EPSTI1: variants seen among roughly 807,000 people sequenced by gnomAD.
EPSTI1 encodes the protein epithelial-stromal interaction protein 1.
A neutral mutation model predicts 49.9 loss-of-function variants in EPSTI1; 66 were observed. The observed-to-expected ratio is 1.32, with a 90% CI of 1.08 to 1.62. The LOEUF (loss-of-function observed/expected upper bound fraction) is 1.62, where lower values mean the gene tolerates loss of function less well. Among genes scored for constraint, EPSTI1 ranks in the 40% most tolerant of loss-of-function variants. EPSTI1 has a pLI of 0.00. For missense variants in EPSTI1, 394 were observed against 365.5 expected, an observed-to-expected ratio of 1.08 and a Z score of -0.64; for synonymous variants, 137 against 130.7, an observed-to-expected ratio of 1.05 and a Z score of -0.33.
chr13:42,906,942 T>C (rs2037515897), intron 8 of EPSTI1, among the ~76,000 whole-genome samples: 1 of 152,238 alleles, frequency 6.6e-6, no homozygotes, highest in African/African-American at 2.4e-5. Context: ...TCAGGGCACT[T>C]AGTGTGTCCA....
chr13:42,981,815 A>G (rs2039992038), intron 1 of EPSTI1, among the ~76,000 whole-genome samples: 1 of 152,236 alleles, frequency 6.6e-6, no homozygotes, highest in Non-Finnish European at 1.5e-5. Context: ...AGAGTACATC[A>G]CATATAATAA....
chr13:42,920,906 T>C (rs1444726042), intron 7 of EPSTI1, among the ~76,000 whole-genome samples: 1 of 152,160 alleles, frequency 6.6e-6, no homozygotes, highest in Non-Finnish European at 1.5e-5. Context: ...GAGACATTTT[T>C]TTAAATCTCC....
At chr13:42,942,501 CATTT>C (rs1304743179) in intron 6 of EPSTI1, among the ~76,000 whole-genome samples, 1 of 151,906 alleles carries the variant, frequency 6.6e-6, no homozygotes, top group Non-Finnish European at 1.5e-5. Context: ...ATAATAAGCA[CATTT>C]ATTTTTCTAT....
chr13:42,986,744 CAAAAAAAAAAA>C (rs71099813), intron 1 of EPSTI1, among the ~76,000 whole-genome samples: 2 of 80,814 alleles, frequency 2.5e-5, no homozygotes, highest in Non-Finnish European at 4.2e-5. Context: ...GATTCCATCT[CAAAAAAAAAAA>C]AAAAAAAAAA....
rs548350563 is a variant in EPSTI1, at chr13:42,954,646, T to C, written c.490-625A>G. Among the ~76,000 whole-genome samples, 14 of 152,340 alleles carry C rather than the reference T, an allele frequency of 9.2e-5. No individual in the cohort carries two copies. The South Asian group carries it at 2.5e-3, about 27-fold the overall frequency. On this transcript the variant is annotated intron_variant, in intron 5 of 10. Transcript: ENST00000313624. ...TTTGATATTACTGTCACCATGGCTC[T>C]GGCATATTTTAATCCAATTTAAATA...
At chr13:42,953,267 A>T (rs1281242720) in intron 6 of EPSTI1, among the ~76,000 whole-genome samples, 2 of 140,760 alleles carry the variant, frequency 1.4e-5, no homozygotes, top group East Asian at 4.2e-4. Context: ...AAAAAAAAAA[A>T]CACTGACATT....
chr13:42,953,591 T>A (rs1180080970), intron 6 of EPSTI1, among the ~76,000 whole-genome samples: 1 of 152,242 alleles, frequency 6.6e-6, no homozygotes, highest in East Asian at 1.9e-4. Flanking sequence ...ATCAGATAAA[T>A]CCCTGGTCAG....
chr13:42,934,733 T>C (rs1201173682), intron 6 of EPSTI1: 2 of 179,676 alleles, frequency 1.1e-5, no homozygotes, highest in South Asian at 1.4e-4. Flanking sequence ...GGTACAGAGG[T>C]GACTGGGCCC....
At chr13:42,910,382 C>T (rs1235068522) in intron 8 of EPSTI1, among the ~76,000 whole-genome samples, 1 of 151,424 alleles carries the variant, frequency 6.6e-6, no homozygotes, top group Non-Finnish European at 1.5e-5. Context: ...ATGCCTCAGC[C>T]TCCCGAGTAA....
chr13:42,890,817 T>C (rs7996716), intron 10 of EPSTI1, among the ~76,000 whole-genome samples: 61,713 of 151,898 alleles, frequency 0.41, 12,814 homozygotes, highest in East Asian at 0.6. Flanking sequence ...AGGCTTTTTT[T>C]CCCCCTTTTC....
At chr13:42,966,702 G>GCC (rs550494756) in intron 3 of EPSTI1, among the ~76,000 whole-genome samples, 1 of 84,690 alleles carries the variant, frequency 1.2e-5, no homozygotes, top group African/African-American at 3.6e-5. Context: ...GGGGGGGTCA[G>GCC]CCCCCCGCCC....
intron 6 of EPSTI1, among the ~76,000 whole-genome samples, chr13:42,940,900 C>T (rs1306674265): frequency 6.6e-6 from 1 of 152,138 alleles, no homozygotes; most frequent in Non-Finnish European, 1.5e-5. Flanking sequence ...ACTGCTTGTT[C>T]AAGTAATTTG....
At chr13:42,937,645 T>C (rs1050653814) in intron 6 of EPSTI1, among the ~76,000 whole-genome samples, 7 of 152,252 alleles carry the variant, frequency 4.6e-5, no homozygotes, top group Admixed American at 3.3e-4. Context: ...AGTTTGATCA[T>C]AAGATTGCAA....
intron 5 of EPSTI1, among the ~76,000 whole-genome samples, chr13:42,955,888 G>C (rs1195579635): frequency 3.3e-4 from 46 of 138,052 alleles, no homozygotes; most frequent in Non-Finnish European, 6.8e-4. Context: ...GGGGGGGGGG[G>C]GAAGTAGTAG....
intron 1 of EPSTI1, among the ~76,000 whole-genome samples, chr13:42,989,679 T>C (rs201437760): frequency 3.3e-5 from 5 of 149,508 alleles, no homozygotes; most frequent in African/African-American, 7.4e-5. Flanking sequence ...CTGCAAGCTC[T>C]GCCTCCCGGG....
At chr13:42,955,594 G>A (rs1256409101) in intron 5 of EPSTI1, among the ~76,000 whole-genome samples, 1 of 152,122 alleles carries the variant, frequency 6.6e-6, no homozygotes, top group Non-Finnish European at 1.5e-5. Flanking sequence ...CTGAGGTCAG[G>A]AGTTCAAGAC....
At chr13:42,891,254 T>G (rs916533893) in intron 10 of EPSTI1, among the ~76,000 whole-genome samples, 7 of 152,254 alleles carry the variant, frequency 4.6e-5, no homozygotes, top group Non-Finnish European at 8.8e-5. Context: ...TCATTTTGGA[T>G]AATACTTCCT....
intron 10 of EPSTI1, among the ~76,000 whole-genome samples, chr13:42,894,370 T>C (rs546498416): frequency 6.6e-6 from 1 of 152,196 alleles, no homozygotes; most frequent in Non-Finnish European, 1.5e-5. Flanking sequence ...GTAAGACCTA[T>C]GGTCTTTAGT....
chr13:42,959,304 G>T (rs537133200), intron 5 of EPSTI1, among the ~76,000 whole-genome samples: 2 of 152,288 alleles, frequency 1.3e-5, no homozygotes, highest in South Asian at 2.1e-4. Context: ...ATAACCAAAG[G>T]CTTAATGCTT....
Sources: gnomAD v4.1 joint callset for allele counts (sites outside exome capture counted in the v4.1 genomes callset) on GRCh38, gnomAD v4.1.1 for gene constraint, MANE v1.5 for transcripts, NCBI Gene and HGNC (gene_info 2026-07-23, HGNC 2026-07-21) for gene names.